ZNF451: variants seen among roughly 807,000 people sequenced by gnomAD.
ZNF451 encodes zinc finger protein 451.
A neutral mutation model predicts 107.1 loss-of-function variants in ZNF451; 80 were observed. The ratio of observed to expected loss-of-function variants is 0.75; its 90% confidence interval spans 0.62 to 0.90. ZNF451 has a LOEUF of 0.90. ZNF451 is among the 40% of genes least tolerant of loss of function. ZNF451 has a pLI of 0.00. For synonymous variants in ZNF451, 362 were observed against 406.5 expected, an observed-to-expected ratio of 0.89 and a Z score of 1.32; for missense variants, 1,107 against 1,236.2, an observed-to-expected ratio of 0.90 and a Z score of 1.57.
chr6:57,159,912 GTTAGGTGCTGA>G (rs1175166219), intron 13 of ZNF451, among the ~76,000 whole-genome samples: 2 of 152,114 alleles, frequency 1.3e-5, no homozygotes, highest in Admixed American at 1.3e-4. Context: ...TTTGTATTTA[GTTAGGTGCTGA>G]TTCAAGTCAC....
chr6:57,109,824 A>G, intron 3 of ZNF451: 2 of 644,194 alleles, frequency 3.1e-6, no homozygotes, highest in Non-Finnish European at 3.9e-6. Context: ...TTTTTGATAG[A>G]TGGTATTTTG....
rs149437845 is a variant in ZNF451 at position 57,127,090 on chromosome 6, A to G, written c.313-1639A>G. Among the ~76,000 whole-genome samples the G allele has an allele frequency of 5.3e-5, 8 of 152,208 alleles. No individual in the cohort carries two copies. In the East Asian group the frequency reaches 7.7e-4, roughly 15 times the overall value. ...TCTTAGGATATATCTATCAAGGGCT[A>G]TTGCTTTCTTTGGATAGGCTAACTT... On this transcript the variant is annotated intron_variant, in intron 4 of 14. Transcript: ENST00000370706.
intron 13 of ZNF451, chr6:57,158,955 A>G (rs147361203): frequency 4.1e-6 from 4 of 985,448 alleles, no homozygotes; most frequent in East Asian, 2.3e-4. Flanking sequence ...CCTAGGTGCT[A>G]TGGAAGTGTA....
At chr6:57,125,800 G>A (rs1375414348) in intron 4 of ZNF451, among the ~76,000 whole-genome samples, 1 of 151,298 alleles carries the variant, frequency 6.6e-6, no homozygotes, top group Non-Finnish European at 1.5e-5. Context: ...TTAGACTATG[G>A]TATTCTAATT....
intron 11 of ZNF451, chr6:57,151,128 G>A (rs964029178): frequency 1.1e-5 from 3 of 278,632 alleles, no homozygotes; most frequent in African/African-American, 4.4e-5. Flanking sequence ...TTGGAAGGCT[G>A]AGGCGGACGG....
chr6:57,091,721 A>G (rs1394500790), intron 2 of ZNF451, among the ~76,000 whole-genome samples: 4 of 151,992 alleles, frequency 2.6e-5, no homozygotes, highest in Non-Finnish European at 5.9e-5. Context: ...TCTGTCCCCA[A>G]CTCGTCTTTT....
At chr6:57,121,643 A>G (rs1420607235) in intron 3 of ZNF451, among the ~76,000 whole-genome samples, 1 of 152,192 alleles carries the variant, frequency 6.6e-6, no homozygotes, top group Non-Finnish European at 1.5e-5. Context: ...AGCCACACAA[A>G]AAAATTGAAT....
At chr6:57,128,598 C>A in intron 4 of ZNF451, 131 bp from the exon 5 acceptor site, 1 of 623,362 alleles carries the variant, frequency 1.6e-6, no homozygotes, top group Non-Finnish European at 2.8e-6. Flanking sequence ...ATTTCTTTGT[C>A]ATACATTTCT....
chr6:57,112,251 CA>C (rs553047730), intron 3 of ZNF451, among the ~76,000 whole-genome samples: 396 of 152,210 alleles, frequency 2.6e-3, no homozygotes, highest in African/African-American at 9.2e-3. Flanking sequence ...TTAGGATGGG[CA>C]ATAATAAGCG....
At chr6:57,124,404 C>CCT (rs140521222) in intron 3 of ZNF451, 97 of 697,762 alleles carry the variant, frequency 1.4e-4, no homozygotes, top group South Asian at 7.1e-4. Flanking sequence ...TCTTTATTTA[C>CCT]CTCTCTCTCT....
rs1357869211 is a variant in ZNF451 at position 57,147,445 on chromosome 6, A to G, written c.1360A>G (p.Lys454Glu). Residue 454 changes from lysine to glutamate, a missense_variant, in exon 10 of 15, where the codon AAA becomes GAA. Lys to Glu is a moderately conservative substitution (Grantham distance 56, BLOSUM62 1). This residue lies in a region of ZNF451 where 608 missense variants were observed against 649.2 expected (regional missense o/e 0.94). Transcript: ENST00000370706. ...AAAAAAGAAGATGAATTTAAAAGAT[A>G]AAAGCCATGAAGGTGTTGCTTGTGT... ...IPKKKMNLKDKSHEGVACVQK... is the reference protein window; with the variant it reads ...IPKKKMNLKDESHEGVACVQK... 1.2e-6 allele frequency: 2 copies of G among 1,614,038 alleles called. No homozygotes were observed. Among genetic ancestry groups the G allele is most frequent in the East Asian group, 4.5e-5 (2 of 44,900 alleles).
intron 4 of ZNF451, among the ~76,000 whole-genome samples, chr6:57,125,495 A>G (rs1049757246): frequency 6.6e-6 from 1 of 152,196 alleles, no homozygotes; most frequent in Non-Finnish European, 1.5e-5. Context: ...CTAAAGTACA[A>G]AAATGGAAAT....
At chr6:57,145,487 T>C (rs1299750459) in intron 9 of ZNF451, among the ~76,000 whole-genome samples, 2 of 152,116 alleles carry the variant, frequency 1.3e-5, no homozygotes, top group Non-Finnish European at 2.9e-5. Context: ...CAATATCTGT[T>C]TATTATTCCA....
In ZNF451 at chr6:57,143,162, A is replaced by G. The variant is rs969780094; in HGVS notation, c.1004+1067A>G. ...TATTTTCCTGTGATTTTGCATATTCATATTTTTAATTATACCTTTTGATGA... is the reference window on the plus strand; with the variant it reads ...TATTTTCCTGTGATTTTGCATATTCGTATTTTTAATTATACCTTTTGATGA... On this transcript the variant is annotated intron_variant, in intron 9 of 14. Coordinates refer to ENST00000370706, the MANE Select transcript of ZNF451 (RefSeq NM_001031623.3). Among the ~76,000 whole-genome samples the G allele has an allele frequency of 2.6e-5, 4 of 152,208 alleles. No homozygotes were observed. The East Asian group carries it at 7.7e-4, about 29-fold the overall frequency.
intron 7 of ZNF451, among the ~76,000 whole-genome samples, chr6:57,136,365 C>T (rs1831426480): frequency 6.6e-6 from 1 of 151,992 alleles, no homozygotes; most frequent in Non-Finnish European, 1.5e-5. Flanking sequence ...GACTGAGTGG[C>T]ATTAGAATGG....
At chr6:57,115,581 A>G (rs1026601766) in intron 3 of ZNF451, 4 of 152,206 alleles carry the variant, frequency 2.6e-5, no homozygotes, top group Non-Finnish European at 5.9e-5. Context: ...TTTAGATAAA[A>G]ATGTAAAGAA....
chr6:57,162,759 T>G (rs1381664604), intron 14 of ZNF451, among the ~76,000 whole-genome samples: 3 of 152,204 alleles, frequency 2.0e-5, no homozygotes, highest in African/African-American at 7.2e-5. Flanking sequence ...ATCACAGTTT[T>G]GTGGGCTCCT....
chr6:57,147,880 A>G lies in ZNF451; in HGVS notation c.1795A>G (p.Asn599Asp). ...AITVIDHSPANSSPRGKWQCR... is the reference protein window; with the variant it reads ...AITVIDHSPADSSPRGKWQCR... Reference sequence around the variant, plus strand: ...TACTGTTATTGATCATTCCCCGGCAAATAGTTCTCCGAGGGGTAAATGGCA... The same window carrying G: ...TACTGTTATTGATCATTCCCCGGCAGATAGTTCTCCGAGGGGTAAATGGCA... Residue 599 changes from asparagine (N) to aspartate (D), a missense_variant, in exon 10 of 15, where the codon AAT becomes GAT. Physicochemically the swap from Asn to Asp is conservative, Grantham distance 23 (BLOSUM62 1). Around this residue, in one of 5 missense-constraint regions of ZNF451, gnomAD observed 608 missense variants for 649.2 expected, o/e 0.94. Transcript: ENST00000370706. 6.2e-7 allele frequency: 1 copy of G among 1,614,150 alleles called. No homozygotes were observed. Among genetic ancestry groups the G allele is most frequent in the Non-Finnish European group, 8.5e-7 (1 of 1,179,984 alleles).
chr6:57,148,744 C>T, intron 10 of ZNF451, 51 bp downstream of exon 10: 2 of 1,488,352 alleles, frequency 1.3e-6, no homozygotes. Flanking sequence ...TTGAAACTTA[C>T]AATGTACCCA....
Sources: gnomAD v4.1 joint callset for allele counts (sites outside exome capture counted in the v4.1 genomes callset) on GRCh38, gnomAD v4.1.1 for gene constraint, gnomAD v4.1.1 regional missense constraint, MANE v1.5 for transcripts, NCBI Gene and HGNC (gene_info 2026-07-23, HGNC 2026-07-21) for gene names.